The following DOCK7 variants were observed in gnomAD, a reference collection of about 807,000 sequenced individuals.
DOCK7 encodes dedicator of cytokinesis 7, also known as dedicator of cytokinesis protein 7.
DOCK7 carries 138 observed loss-of-function variants against 271.0 expected under a neutral mutation model. The observed-to-expected ratio is 0.51, with a 90% confidence interval of 0.44 to 0.59. The LOEUF (loss-of-function observed/expected upper bound fraction) is 0.59. Among genes scored for constraint, DOCK7 ranks in the 20% least tolerant of loss-of-function variants. DOCK7 has a pLI of 0.00. For synonymous variants in DOCK7, 823 were observed against 876.1 expected, an observed-to-expected ratio of 0.94 and a Z score of 1.07; for missense variants, 2,066 against 2,592.4, an observed-to-expected ratio of 0.80 and a Z score of 4.41.
chr1:62,643,200 G>A (rs1656249704), intron 7 of DOCK7, among the ~76,000 whole-genome samples: 1 of 152,168 alleles, frequency 6.6e-6, no homozygotes, highest in Non-Finnish European at 1.5e-5. Context: ...TACCAGACAT[G>A]CACAACTCCT....
intron 37 of DOCK7, among the ~76,000 whole-genome samples, chr1:62,499,989 T>C (rs1646734665): frequency 6.6e-6 from 1 of 150,578 alleles, no homozygotes. Context: ...AGATGGATCA[T>C]CCAGAAAGTT....
intron 42 of DOCK7, 88 bp downstream of exon 42, chr1:62,488,846 G>T (rs774407742): frequency 1.3e-6 from 2 of 1,524,834 alleles, no homozygotes; most frequent in East Asian, 4.5e-5. Flanking sequence ...CATTTCACGG[G>T]ATCTAGTTTG....
intron 14 of DOCK7, chr1:62,604,713 G>C (rs749942909): frequency 7.4e-6 from 12 of 1,613,260 alleles, no homozygotes; most frequent in Non-Finnish European, 1.0e-5. Flanking sequence ...ATCTAAGCCA[G>C]AGAGGAGAAG....
chr1:62,678,500 C>T (rs992862351), intron 1 of DOCK7, among the ~76,000 whole-genome samples: 13 of 152,022 alleles, frequency 8.6e-5, no homozygotes, highest in African/African-American at 3.1e-4. Flanking sequence ...TAAAGAAGAC[C>T]TAAATAAATG....
chr1:62,540,168 A>T (rs1645482410), intron 25 of DOCK7, among the ~76,000 whole-genome samples: 1 of 151,698 alleles, frequency 6.6e-6, no homozygotes, highest in African/African-American at 2.4e-5. Flanking sequence ...TCAACCTTTA[A>T]ATTTTTTTTT....
intron 18 of DOCK7, among the ~76,000 whole-genome samples, chr1:62,567,196 G>A (rs1646546223): frequency 6.6e-6 from 1 of 152,048 alleles, no homozygotes; most frequent in African/African-American, 2.4e-5. Flanking sequence ...CCCATTACTG[G>A]GTATATACCC....
chr1:62,516,548 CATT>C (rs1241767030), intron 31 of DOCK7, among the ~76,000 whole-genome samples: 1 of 152,182 alleles, frequency 6.6e-6, no homozygotes, highest in Non-Finnish European at 1.5e-5. Flanking sequence ...TGTTTCATAA[CATT>C]ATTACCAGGA....
chr1:62,627,662 T>C (rs1240344342), intron 11 of DOCK7: 2 of 151,900 alleles, frequency 1.3e-5, no homozygotes, highest in African/African-American at 2.4e-5. Context: ...AACGATAAAA[T>C]ACTACGGTAT....
At chr1:62,530,864 G>A (rs1645153343) in intron 29 of DOCK7, 1 of 152,740 alleles carries the variant, frequency 6.5e-6, no homozygotes, top group South Asian at 2.1e-4. Flanking sequence ...CCCAAAAGAA[G>A]GTCAAATAAG....
rs1291269495 is a variant in DOCK7 at position 62,545,047 on chromosome 1, T to A, written c.2767-8A>T. On this transcript the variant is annotated splice_polypyrimidine_tract_variant and splice_region_variant and intron_variant, in intron 22 of 49. Coordinates refer to ENST00000635253, the MANE Select transcript of DOCK7 (RefSeq NM_001367561.1). ...ATTGGAGCGATCTAAACCCTAAGCA[T>A]ATAATAGAAAGCAGTTTGAAAGGAA... The A allele has an allele frequency of 6.5e-7, 1 of 1,544,008 alleles. No homozygotes were observed. The highest frequency in any genetic ancestry group is 2.0e-5 in the Admixed American group (1 of 50,022).
At chr1:62,615,077 A>G (rs1270227515) in intron 14 of DOCK7, among the ~76,000 whole-genome samples, 1 of 151,902 alleles carries the variant, frequency 6.6e-6, no homozygotes. Context: ...CCAATTTTTC[A>G]TAAGCTACAC....
At chr1:62,594,271 T>C (rs747383871) in intron 14 of DOCK7, among the ~76,000 whole-genome samples, 74 of 152,252 alleles carry the variant, frequency 4.9e-4, no homozygotes, top group Non-Finnish European at 9.6e-4. Flanking sequence ...ATAAAATTAC[T>C]ACTTTCAATG....
At position 62,677,923 on chromosome 1, in the gene DOCK7, G is replaced by A. The variant is rs1432360950; in HGVS notation, c.38+10304C>T. Among the ~76,000 whole-genome samples, 9 of 5,884 alleles carry A rather than the reference G, an allele frequency of 1.5e-3. No homozygotes were observed. In the Admixed American group the frequency reaches 0.033, roughly 21 times the overall value. 3.9% of individuals were successfully genotyped at this position (5,884 alleles called of 152,430 possible). A position where few individuals can be genotyped will look rare whatever the true frequency, so the allele number is the denominator to read the frequency against. ...AGGTGGGAGGATCGCTTGAGGCCAG[G>A]AGTTCTCCAGCCTGGGCAACATAGC... On this transcript the variant is annotated intron_variant, in intron 1 of 49. Coordinates refer to ENST00000635253, the MANE Select transcript of DOCK7 (RefSeq NM_001367561.1).
intron 1 of DOCK7, among the ~76,000 whole-genome samples, chr1:62,678,974 G>A (rs1405092141): frequency 1.3e-5 from 2 of 152,056 alleles, no homozygotes; most frequent in Non-Finnish European, 2.9e-5. Flanking sequence ...ACACATTGAT[G>A]CCTGTATCAA....
At chr1:62,622,900 A>T (rs1447256592) in intron 12 of DOCK7, among the ~76,000 whole-genome samples, 2 of 152,136 alleles carry the variant, frequency 1.3e-5, no homozygotes, top group Non-Finnish European at 2.9e-5. Flanking sequence ...ACTGCACTCC[A>T]GCCTGGGTGA....
chr1:62,518,573 C>CAA lies in DOCK7; in HGVS notation c.3937-4677_3937-4676dup, dbSNP rs1228634392. 1.4e-3 allele frequency among the ~76,000 whole-genome samples: 134 copies of CAA among 98,138 alleles called. 1 individual carries two copies. Among genetic ancestry groups the CAA allele is most frequent in the African/African-American group, 4.1e-3 (107 of 26,238 alleles). The allele number at this position is 98,138 out of a possible 152,430, so 64.4% of individuals were successfully genotyped here. A position where few individuals can be genotyped will look rare whatever the true frequency, so the allele number is the denominator to read the frequency against. On this transcript the variant is annotated intron_variant, in intron 31 of 49. Transcript: ENST00000635253. ...TGGGTGACAGAGTGAGACTCCATCTCAAAAAAAAAAAAAAAAATTAGCCAG... is the reference window on the plus strand; with the variant it reads ...TGGGTGACAGAGTGAGACTCCATCTCAAAAAAAAAAAAAAAAAAATTAGCCAG...
intron 1 of DOCK7, among the ~76,000 whole-genome samples, chr1:62,688,024 G>A (rs1293776655): frequency 1.3e-5 from 2 of 151,962 alleles, no homozygotes; most frequent in Non-Finnish European, 2.9e-5. Context: ...GCGGGCGCGG[G>A]CTGAAGGCCG....
chr1:62,583,342 T>A, intron 15 of DOCK7, 88 bp from the exon 16 acceptor site: 1 of 1,276,848 alleles, frequency 7.8e-7, no homozygotes, highest in Non-Finnish European at 1.1e-6. Context: ...ATTTAATAAC[T>A]ATTTGAGAAA....
intron 31 of DOCK7, among the ~76,000 whole-genome samples, chr1:62,522,876 C>G (rs1248649309): frequency 6.6e-6 from 1 of 151,798 alleles, no homozygotes; most frequent in East Asian, 1.9e-4. Context: ...TGTTTCTGTA[C>G]AAAAATTGAT....
Sources: allele counts gnomAD v4.1 joint callset (sites outside exome capture counted in the v4.1 genomes callset), GRCh38; gene constraint gnomAD v4.1.1; transcripts MANE v1.5; gene names NCBI Gene and HGNC (gene_info 2026-07-23, HGNC 2026-07-21).